The following SGCZ variants were observed in gnomAD, a reference collection of about 807,000 sequenced individuals.
SGCZ encodes the protein sarcoglycan zeta.
Under a neutral mutation model 41.3 loss-of-function variants are expected in SGCZ, and 40 were observed. That is an observed-to-expected ratio of 0.97 (90% CI 0.75 to 1.26). The LOEUF is 1.26. Among genes scored for constraint, SGCZ ranks in the 50% most tolerant of loss-of-function variants. The probability of loss-of-function intolerance (pLI) is 0.00; values close to 1 mark genes in which losing one functional copy is unlikely to be tolerated. For synonymous variants in SGCZ, 206 were observed against 137.5 expected (o/e 1.50, Z -3.49); for missense variants, 552 against 369.8 (o/e 1.49, Z -4.04).
chr8:14,501,929 T>A (rs1259171920), intron 2 of SGCZ, among the ~76,000 whole-genome samples: 1 of 152,104 alleles, frequency 6.6e-6, no homozygotes, highest in African/African-American at 2.4e-5. Flanking sequence ...ATATGTTGAA[T>A]AAAAATTACG....
chr8:14,547,190 A>G (rs1203051736), intron 2 of SGCZ, among the ~76,000 whole-genome samples: 1 of 152,180 alleles, frequency 6.6e-6, no homozygotes, highest in Non-Finnish European at 1.5e-5. Context: ...AAAGAAACTC[A>G]GCATATTTAG....
intron 1 of SGCZ, among the ~76,000 whole-genome samples, chr8:15,053,737 G>T (rs931542360): frequency 2.6e-5 from 4 of 152,066 alleles, no homozygotes; most frequent in Non-Finnish European, 4.4e-5. Flanking sequence ...TGACACATAG[G>T]TTTCTCTTGT....
chr8:14,156,613 G>A (rs1406850865), intron 5 of SGCZ, among the ~76,000 whole-genome samples: 1 of 152,132 alleles, frequency 6.6e-6, no homozygotes, highest in African/African-American at 2.4e-5. Context: ...ATGTATAGCT[G>A]TACAAAACTA....
chr8:14,394,155 T>C (rs1804893915), intron 2 of SGCZ, among the ~76,000 whole-genome samples: 1 of 96,626 alleles, frequency 1.0e-5, no homozygotes, highest in African/African-American at 2.9e-5. Context: ...TTTTTTTTTT[T>C]TTTTTTTTTT....
intron 2 of SGCZ, among the ~76,000 whole-genome samples, chr8:14,429,311 G>C (rs974774509): frequency 1.3e-5 from 2 of 152,214 alleles, no homozygotes; most frequent in African/African-American, 4.8e-5. Context: ...AGAAGGTGAG[G>C]TTTGGTCAAA....
intron 4 of SGCZ, among the ~76,000 whole-genome samples, chr8:14,168,747 A>G (rs1043735675): frequency 6.6e-6 from 1 of 152,178 alleles, no homozygotes; most frequent in Non-Finnish European, 1.5e-5. Flanking sequence ...TATGCTAGTC[A>G]TTAAGAACTC....
At chr8:14,305,725 T>C (rs1801329245) in intron 3 of SGCZ, among the ~76,000 whole-genome samples, 1 of 152,202 alleles carries the variant, frequency 6.6e-6, no homozygotes, top group South Asian at 2.1e-4. Context: ...CTTTGCAAAG[T>C]GACTTTACTA....
At chr8:14,815,329 T>G (rs974730471) in intron 1 of SGCZ, among the ~76,000 whole-genome samples, 3 of 151,930 alleles carry the variant, frequency 2.0e-5, no homozygotes, top group African/African-American at 7.2e-5. Context: ...AGCGGAAAGT[T>G]GATAAAATAA....
intron 4 of SGCZ, among the ~76,000 whole-genome samples, chr8:14,235,947 C>T (rs1295733901): frequency 1.2e-4 from 19 of 152,082 alleles, no homozygotes; most frequent in African/African-American, 2.4e-5. Context: ...CCTCCCAAAG[C>T]GCTGGGATTA....
At chr8:14,294,814 C>T (rs1023128394) in intron 3 of SGCZ, among the ~76,000 whole-genome samples, 3 of 151,934 alleles carry the variant, frequency 2.0e-5, no homozygotes, top group Non-Finnish European at 4.4e-5. Flanking sequence ...CATATGAAAT[C>T]GCTGTTAGAT....
At chr8:14,894,537 A>G (rs1347477159) in intron 1 of SGCZ, among the ~76,000 whole-genome samples, 1 of 152,134 alleles carries the variant, frequency 6.6e-6, no homozygotes, top group Non-Finnish European at 1.5e-5. Context: ...TTCAGGTCAC[A>G]ATGAACAGGA....
At chr8:14,859,401 A>T (rs1017809090) in intron 1 of SGCZ, among the ~76,000 whole-genome samples, 3 of 145,840 alleles carry the variant, frequency 2.1e-5, no homozygotes, top group South Asian at 2.2e-4. Context: ...TCATAAAGAT[A>T]AAAAAAAAGG....
intron 1 of SGCZ, among the ~76,000 whole-genome samples, chr8:14,558,474 C>T (rs112061725): frequency 4.0e-5 from 6 of 151,712 alleles, no homozygotes; most frequent in African/African-American, 1.4e-4. Flanking sequence ...ACTTGGGAGG[C>T]TAAGGCAGAA....
intron 1 of SGCZ, among the ~76,000 whole-genome samples, chr8:14,949,474 T>G (rs769511227): frequency 6.6e-6 from 1 of 152,142 alleles, no homozygotes; most frequent in Non-Finnish European, 1.5e-5. Context: ...TCACTTCACA[T>G]GACTGATTTG....
chr8:14,862,199 G>A (rs1480526164), intron 1 of SGCZ, among the ~76,000 whole-genome samples: 1 of 151,802 alleles, frequency 6.6e-6, no homozygotes, highest in African/African-American at 2.4e-5. Flanking sequence ...ACCGTAGAAG[G>A]GCTTTCCTAT....
chr8:14,660,571 CAAAA>C (rs71304960), intron 1 of SGCZ, among the ~76,000 whole-genome samples: 12 of 67,294 alleles, frequency 1.8e-4, no homozygotes, highest in Admixed American at 5.3e-4. Flanking sequence ...AACTCCATCT[CAAAA>C]AAAAAAAAAA....
At chr8:15,096,096 G>C (rs1806335483) in intron 1 of SGCZ, among the ~76,000 whole-genome samples, 1 of 151,522 alleles carries the variant, frequency 6.6e-6, no homozygotes, top group Admixed American at 6.6e-5. Context: ...TATTTTTTTT[G>C]AGATGGAGTC....
At chr8:14,222,817 T>C (rs1806246754) in intron 4 of SGCZ, among the ~76,000 whole-genome samples, 1 of 130,550 alleles carries the variant, frequency 7.7e-6, no homozygotes, top group African/African-American at 3.0e-5. Flanking sequence ...TTTTTTTTTT[T>C]TTTTTTTTTT....
chr8:14,828,294 A>T (rs1367495097), intron 1 of SGCZ, among the ~76,000 whole-genome samples: 1 of 152,194 alleles, frequency 6.6e-6, no homozygotes, highest in African/African-American at 2.4e-5. Context: ...ATTTATGTCA[A>T]TTTGCAAGGA....
Sources: allele counts gnomAD v4.1 joint callset (sites outside exome capture counted in the v4.1 genomes callset), GRCh38; gene constraint gnomAD v4.1.1; transcripts MANE v1.5; gene names NCBI Gene and HGNC (gene_info 2026-07-23, HGNC 2026-07-21).